The following CLCA1 variants were observed in gnomAD, a reference collection of about 807,000 sequenced individuals.
The protein encoded by CLCA1 is calcium-activated chloride channel regulator 1.
CLCA1 carries 59 observed loss-of-function variants against 85.6 expected under a neutral mutation model. The observed-to-expected ratio is 0.69, with a 90% CI of 0.56 to 0.86. The LOEUF (loss-of-function observed/expected upper bound fraction) is 0.86. Among genes scored for constraint, CLCA1 ranks in the 40% least tolerant of loss-of-function variants. The pLI is 0.00. For missense variants in CLCA1, 1,022 were observed against 1,101.4 expected (o/e 0.93, Z 1.02); for synonymous variants, 396 against 398.3 (o/e 0.99, Z 0.07).
chr1:86,474,269 A>T (rs977399865), intron 3 of CLCA1, among the ~76,000 whole-genome samples: 1 of 152,228 alleles, frequency 6.6e-6, no homozygotes, highest in African/African-American at 2.4e-5. Context: ...TCAGACGTGC[A>T]TTCAAATTAT....
Position 86,500,028 on chromosome 1 carries a change from C to A in CLCA1, c.2728C>A (p.Gln910Lys), listed in dbSNP as rs767514978. ...TATGTGGAAGTGGATAGGAGAACTG[C>A]AGCTGTCAATAGCCTAGGGCTGAAT... ...KIMWKWIGELQLSIA is the reference protein window; with the variant it reads ...KIMWKWIGELKLSIA The change falls in exon 14 of 14, where the codon CAG becomes AAG. Residue 910 changes from glutamine to lysine, a missense_variant. Physicochemically the swap from Gln to Lys is moderately conservative, Grantham distance 53. Transcript: ENST00000394711. 4 of 1,609,324 alleles carry A rather than the reference C, an allele frequency of 2.5e-6. No homozygotes were observed. Among genetic ancestry groups the A allele is most frequent in the South Asian group, 1.1e-5 (1 of 90,944 alleles).
In CLCA1 at chr1:86,486,164, G is replaced by C. The variant is rs373597461; in HGVS notation, c.955-362G>C. Reference sequence around the variant, plus strand: ...TCCATGTTCCTCCCACCTCCCACCAGGTCCCTCCCTCGACATGTGGGGATT... The same window carrying C: ...TCCATGTTCCTCCCACCTCCCACCACGTCCCTCCCTCGACATGTGGGGATT... On this transcript the variant is annotated intron_variant, in intron 6 of 13. Coordinates refer to ENST00000394711, the MANE Select transcript of CLCA1 (RefSeq NM_001285.4). Among the ~76,000 whole-genome samples, 56 of 152,256 alleles carry C rather than the reference G, an allele frequency of 3.7e-4. No homozygotes were observed. In the South Asian group the frequency reaches 5.4e-3, roughly 15 times the overall value.
Position 86,491,365 on chromosome 1 carries a change from C to T in CLCA1, c.1458C>T (p.Ser486=). Residue 486 remains serine, a synonymous_variant, in exon 9 of 14, where the codon TCC becomes TCT. Transcript: ENST00000394711. ...SSGNGAVSQR[S]IQLESKGLTL... ...GAAATGGAGCTGTCTCTCAGCGCTC[C>T]ATCCAGGTTGGAGTTCTTAATCTTT... is the stretch of plus-strand genomic sequence containing the variant. 1.9e-6 allele frequency: 3 copies of T among 1,608,308 alleles called. No individual in the cohort carries two copies. The highest frequency in any genetic ancestry group is 2.6e-6 in the Non-Finnish European group (3 of 1,175,564).
intron 6 of CLCA1, 148 bp from the exon 7 acceptor site, chr1:86,486,378 G>GAA: frequency 1.5e-6 from 1 of 650,682 alleles, no homozygotes. Flanking sequence ...ATATAAATAA[G>GAA]AAATTTTTCC....
chr1:86,499,669 T>C lies in CLCA1; in HGVS notation c.2369T>C (p.Ile790Thr). 6.3e-7 allele frequency: 1 copy of C among 1,582,630 alleles called. No homozygotes were observed. Among genetic ancestry groups the C allele is most frequent in the Non-Finnish European group, 8.6e-7 (1 of 1,156,328 alleles). ...TTCTTTTTAGCTCACAAGTATATCA[T>C]TCGAATAAGTACAAGTATTCTTGAT... The part of the protein sequence containing the change: ...YDHGTAHKYI[I>T]RISTSILDLR... Residue 790 changes from isoleucine to threonine, a missense_variant, in exon 14 of 14, where the codon ATT becomes ACT. Coordinates refer to ENST00000394711, the MANE Select transcript of CLCA1 (RefSeq NM_001285.4).
chr1:86,486,841 T>A, intron 7 of CLCA1, 88 bp downstream of exon 7: 1 of 1,166,234 alleles, frequency 8.6e-7, no homozygotes, highest in Admixed American at 1.8e-5. Flanking sequence ...CATACATGCC[T>A]AGGGTCCAAC....
At chr1:86,478,803 T>C (rs1234389460) in intron 4 of CLCA1, among the ~76,000 whole-genome samples, 1 of 152,244 alleles carries the variant, frequency 6.6e-6, no homozygotes, top group Non-Finnish European at 1.5e-5. Flanking sequence ...AATTTCAATA[T>C]ATTAATAATA....
chr1:86,491,019 G>A (rs1004720856), intron 8 of CLCA1, among the ~76,000 whole-genome samples: 1 of 152,016 alleles, frequency 6.6e-6, no homozygotes, highest in South Asian at 2.1e-4. Context: ...AGGTTGCAGT[G>A]AGCCAGGATC....
At position 86,482,256 on chromosome 1, in the gene CLCA1, C is replaced by G. The variant is rs773764250; in HGVS notation, c.609C>G (p.Gly203=). The G allele has an allele frequency of 6.2e-7, 1 of 1,613,862 alleles. No homozygotes were observed. Among genetic ancestry groups the G allele is most frequent in the East Asian group, 2.2e-5 (1 of 44,868 alleles). Reference sequence around the variant, plus strand: ...ATGTAGTAAAGAAGTGTCAGGGAGGCAGCTGTTACACCAAAAGATGCACAT... The same window carrying G: ...ATGTAGTAAAGAAGTGTCAGGGAGGGAGCTGTTACACCAAAAGATGCACAT... ...GTNVVKKCQG[G]SCYTKRCTFN... Residue 203 remains glycine, a synonymous_variant, in exon 5 of 14, where the codon GGC becomes GGG. Transcript: ENST00000394711.
chr1:86,489,371 C>T (rs760909238), intron 8 of CLCA1, among the ~76,000 whole-genome samples: 4 of 152,136 alleles, frequency 2.6e-5, no homozygotes, highest in Non-Finnish European at 5.9e-5. Flanking sequence ...ACTAAGGCAG[C>T]CTGGAGAAGA....
chr1:86,486,579 G>A lies in CLCA1; in HGVS notation c.1008G>A (p.Gln336=). The A allele has an allele frequency of 6.2e-7, 1 of 1,614,160 alleles. No homozygotes were observed. The highest frequency in any genetic ancestry group is 8.5e-7 in the Non-Finnish European group (1 of 1,180,036). Reference sequence around the variant, plus strand: ...AAGCAGGCCAGCTTTTCCTGCTGCAGACAGTTGAGCTGGGGTCCTGGGTTG... The same window carrying A: ...AAGCAGGCCAGCTTTTCCTGCTGCAAACAGTTGAGCTGGGGTCCTGGGTTG... ...LNQAGQLFLL[Q]TVELGSWVGM... Residue 336 remains glutamine, a synonymous_variant, in exon 7 of 14, where the codon CAG becomes CAA. Coordinates refer to ENST00000394711, the MANE Select transcript of CLCA1 (RefSeq NM_001285.4).
intron 7 of CLCA1, among the ~76,000 whole-genome samples, chr1:86,487,267 G>A (rs1648007683): frequency 6.6e-6 from 1 of 152,208 alleles, no homozygotes; most frequent in African/African-American, 2.4e-5. Context: ...CTTTGACTAA[G>A]GGAGCAAATA....
intron 7 of CLCA1, among the ~76,000 whole-genome samples, chr1:86,488,780 G>C (rs553076909): frequency 4.8e-4 from 73 of 152,266 alleles, no homozygotes. Context: ...GTCCCTCTCT[G>C]CAGCAGACCA....
In CLCA1 at chr1:86,499,231, G is replaced by A. The variant is rs72953522; in HGVS notation, c.2353+420G>A. Reference sequence around the variant, plus strand: ...GTGGACTGCAGCATGTAGATACCATGAACACTTGTTAGAAAGTGTTTTCAG... The same window carrying A: ...GTGGACTGCAGCATGTAGATACCATAAACACTTGTTAGAAAGTGTTTTCAG... On this transcript the variant is annotated intron_variant, in intron 13 of 13. Transcript: ENST00000394711. 2.5e-3 allele frequency among the ~76,000 whole-genome samples: 382 copies of A among 152,326 alleles called. 2 individuals are homozygous for A. Among genetic ancestry groups the A allele is most frequent in the African/African-American group, 8.7e-3 (362 of 41,576 alleles).
chr1:86,471,098 T>C (rs1024324763), intron 1 of CLCA1, among the ~76,000 whole-genome samples: 1 of 152,128 alleles, frequency 6.6e-6, no homozygotes. Flanking sequence ...CACAAGCTCG[T>C]GTGCACACAC....
chr1:86,486,168 C>T (rs1647965170), intron 6 of CLCA1, among the ~76,000 whole-genome samples: 1 of 152,124 alleles, frequency 6.6e-6, no homozygotes, highest in South Asian at 2.1e-4. Context: ...CCACCAGGTC[C>T]CTCCCTCGAC....
intron 9 of CLCA1, among the ~76,000 whole-genome samples, chr1:86,492,428 C>G (rs1211683259): frequency 8.2e-6 from 1 of 122,262 alleles, no homozygotes; most frequent in Non-Finnish European, 2.0e-5. Flanking sequence ...TTTAAGAAAC[C>G]TAACAGAGAG....
chr1:86,476,493 T>C lies in CLCA1; in HGVS notation c.497T>C (p.Phe166Ser), dbSNP rs1647638179. ...HEWAHLRWGV[F>S]DEYNNDEKFY... ...TGGGCTCATCTACGATGGGGAGTAT[T>C]TGACGAGTACAATAATGATGAGAAA... Residue 166 changes from phenylalanine (F) to serine (S), a missense_variant, in exon 4 of 14, where the codon TTT becomes TCT. Coordinates refer to ENST00000394711, the MANE Select transcript of CLCA1 (RefSeq NM_001285.4). The C allele has an allele frequency of 2.2e-5, 35 of 1,605,566 alleles. No individual in the cohort carries two copies. Among genetic ancestry groups the C allele is most frequent in the Non-Finnish European group, 3.0e-5 (35 of 1,172,452 alleles).
At chr1:86,487,427 AGAGT>A (rs990560664) in intron 7 of CLCA1, among the ~76,000 whole-genome samples, 3 of 152,114 alleles carry the variant, frequency 2.0e-5, no homozygotes, top group Admixed American at 6.5e-5. Flanking sequence ...CGAGAGAGAG[AGAGT>A]GTGCAGTACA....
Sources: allele counts gnomAD v4.1 joint callset (sites outside exome capture counted in the v4.1 genomes callset), GRCh38; gene constraint gnomAD v4.1.1; transcripts MANE v1.5; gene names NCBI Gene and HGNC (gene_info 2026-07-23, HGNC 2026-07-21).